The following SESN1 variants were observed in gnomAD, a reference collection of about 807,000 sequenced individuals.
SESN1 encodes the protein sestrin-1.
In SESN1, 30 loss-of-function variants were observed where a neutral mutation model predicts 59.3. The ratio of observed to expected loss-of-function variants is 0.51; its 90% CI spans 0.38 to 0.69. The LOEUF (loss-of-function observed/expected upper bound fraction) is 0.69. Among genes scored for constraint, SESN1 ranks in the 30% least tolerant of loss-of-function variants. The pLI is 0.00. For missense variants in SESN1, 566 were observed against 673.0 expected (o/e 0.84, Z 1.76); for synonymous variants, 197 against 219.9 (o/e 0.90, Z 0.92).
At position 108,990,730 on chromosome 6, in the gene SESN1, T is replaced by G; in HGVS notation, c.1339A>C (p.Asn447His). The G allele has an allele frequency of 6.2e-7, 1 of 1,614,102 alleles. No individual in the cohort carries two copies. The highest frequency in any genetic ancestry group is 8.5e-7 in the Non-Finnish European group (1 of 1,179,988). ...KFHIAYNLTY[N>H]TMAMHKDVDT... ...ACATCTTTGTGCATTGCCATTGTAT[T>G]ATAAGTAAGATTGTAAGCAATGTGA... Residue 447 changes from asparagine (N) to histidine (H), a missense_variant, in exon 8 of 10, where the codon AAT becomes CAT. Physicochemically the swap from Asn to His is moderately conservative, Grantham distance 68. Coordinates refer to ENST00000436639, the MANE Select transcript of SESN1 (RefSeq NM_014454.3).
At chr6:109,013,361 A>G (rs1253191289) in intron 1 of SESN1, among the ~76,000 whole-genome samples, 4 of 152,196 alleles carry the variant, frequency 2.6e-5, no homozygotes, top group Non-Finnish European at 5.9e-5. Context: ...AGTGTAGAAG[A>G]TGACAGTGGA....
At chr6:109,023,398 T>C (rs556689154) in intron 1 of SESN1, among the ~76,000 whole-genome samples, 58 of 152,368 alleles carry the variant, frequency 3.8e-4, no homozygotes, top group Non-Finnish European at 4.6e-4. Flanking sequence ...CTTCTACCAC[T>C]TGACAGTTTA....
At chr6:109,066,247 T>C (rs1316990962) in intron 1 of SESN1, among the ~76,000 whole-genome samples, 1 of 152,036 alleles carries the variant, frequency 6.6e-6, no homozygotes, top group Non-Finnish European at 1.5e-5. Context: ...TTGCTGTAGC[T>C]TCCTCACAGG....
chr6:109,085,057 T>C (rs1330664523), intron 1 of SESN1, among the ~76,000 whole-genome samples: 1 of 151,982 alleles, frequency 6.6e-6, no homozygotes, highest in Non-Finnish European at 1.5e-5. Flanking sequence ...AAAGTTTTTT[T>C]TTCTTTTATA....
intron 1 of SESN1, among the ~76,000 whole-genome samples, chr6:109,092,910 C>A (rs1463758802): frequency 6.6e-6 from 1 of 152,108 alleles, no homozygotes; most frequent in Non-Finnish European, 1.5e-5. Flanking sequence ...AAAACTGTCA[C>A]TTTTAACTTA....
At chr6:109,070,272 G>C (rs1398935818) in intron 1 of SESN1, among the ~76,000 whole-genome samples, 1 of 152,196 alleles carries the variant, frequency 6.6e-6, no homozygotes, top group Admixed American at 6.5e-5. Flanking sequence ...CAGGACTAGG[G>C]CATGTGCCCA....
chr6:108,988,363 T>C (rs1779259661), intron 9 of SESN1, 180 bp downstream of exon 9: 4 of 502,246 alleles, frequency 8.0e-6, no homozygotes, highest in Non-Finnish European at 1.4e-5. Context: ...GTCTTTATTC[T>C]TTTACTCTAT....
At chr6:109,089,059 ATTTT>A (rs573316211) in intron 1 of SESN1, among the ~76,000 whole-genome samples, 1 of 144,470 alleles carries the variant, frequency 6.9e-6, no homozygotes, top group African/African-American at 2.5e-5. Context: ...CAATGTGTCC[ATTTT>A]TTTTTTTTTT....
intron 1 of SESN1, among the ~76,000 whole-genome samples, chr6:109,062,367 A>G (rs1283643071): frequency 6.6e-6 from 1 of 152,220 alleles, no homozygotes; most frequent in Non-Finnish European, 1.5e-5. Flanking sequence ...TCTGAGGCGC[A>G]CAGAGCGAGG....
chr6:109,090,518 T>A (rs191972074), intron 1 of SESN1: 1 of 152,328 alleles, frequency 6.6e-6, no homozygotes, highest in Admixed American at 6.5e-5. Flanking sequence ...TATTATATAC[T>A]GTATTCTTAC....
At chr6:109,041,149 A>AC (rs1463181816) in intron 1 of SESN1, among the ~76,000 whole-genome samples, 5 of 150,786 alleles carry the variant, frequency 3.3e-5, no homozygotes, top group African/African-American at 1.2e-4. Flanking sequence ...AAAAAAAAAA[A>AC]AAACAAACCA....
At chr6:108,989,266 G>C (rs1779290540) in intron 8 of SESN1, among the ~76,000 whole-genome samples, 2 of 152,182 alleles carry the variant, frequency 1.3e-5, no homozygotes, top group Non-Finnish European at 1.5e-5. Flanking sequence ...GCTTCCCAAA[G>C]TGCTGGGATT....
intron 1 of SESN1, among the ~76,000 whole-genome samples, chr6:109,069,063 C>T (rs1025217801): frequency 6.6e-6 from 1 of 151,944 alleles, no homozygotes; most frequent in Admixed American, 6.6e-5. Context: ...ATCTTAAGTT[C>T]CCAGAATGTC....
chr6:109,050,690 G>T (rs1202048620), intron 1 of SESN1, among the ~76,000 whole-genome samples: 2 of 152,110 alleles, frequency 1.3e-5, no homozygotes, highest in Non-Finnish European at 2.9e-5. Flanking sequence ...AGGTCTCTCA[G>T]CCTAAAGGCA....
chr6:108,999,020 C>A, intron 4 of SESN1: 1 of 258,622 alleles, frequency 3.9e-6, no homozygotes, highest in Non-Finnish European at 7.4e-6. Context: ...ATGCATTTTG[C>A]TTAAAAGTGG....
At chr6:108,989,419 CTAGAGA>C (rs1427194227) in intron 8 of SESN1, among the ~76,000 whole-genome samples, 1 of 148,240 alleles carries the variant, frequency 6.7e-6, no homozygotes, top group East Asian at 2.0e-4. Context: ...ATCTCTAGAT[CTAGAGA>C]TATATATCTA....
intron 1 of SESN1, among the ~76,000 whole-genome samples, chr6:109,093,072 AGAC>A (rs1428247654): frequency 6.6e-6 from 1 of 152,178 alleles, no homozygotes; most frequent in African/African-American, 2.4e-5. Flanking sequence ...AAGTATTCTA[AGAC>A]ACCTTGTAAT....
chr6:109,034,320 C>T (rs1350220051), intron 1 of SESN1, among the ~76,000 whole-genome samples: 1 of 152,074 alleles, frequency 6.6e-6, no homozygotes, highest in Non-Finnish European at 1.5e-5. Context: ...AATTACTTCT[C>T]TCAATTACAA....
intron 1 of SESN1, among the ~76,000 whole-genome samples, chr6:109,003,745 C>G (rs1299808951): frequency 2.0e-5 from 3 of 152,088 alleles, no homozygotes; most frequent in Admixed American, 6.5e-5. Flanking sequence ...CAGAGGACAT[C>G]CCTGTTATTC....
Sources: allele counts gnomAD v4.1 joint callset (sites outside exome capture counted in the v4.1 genomes callset), GRCh38; gene constraint gnomAD v4.1.1; transcripts MANE v1.5; gene names NCBI Gene and HGNC (gene_info 2026-07-23, HGNC 2026-07-21).